Variants in SLC39A11 observed in about 807,000 individuals in gnomAD.
The protein encoded by SLC39A11 is zinc transporter ZIP11.
Under a neutral mutation model 36.1 loss-of-function variants are expected in SLC39A11, and 33 were observed. The observed-to-expected ratio is 0.91, with a 90% CI of 0.69 to 1.22. The LOEUF (loss-of-function observed/expected upper bound fraction) is 1.22. SLC39A11 is among the 50% of genes most tolerant of loss of function. The pLI is 0.00. For missense variants in SLC39A11, 432 were observed against 430.3 expected, an observed-to-expected ratio of 1.00 and a Z score of -0.03; for synonymous variants, 166 against 170.3, an observed-to-expected ratio of 0.97 and a Z score of 0.20.
intron 5 of SLC39A11, among the ~76,000 whole-genome samples, chr17:72,924,410 G>C (rs1273887276): frequency 6.6e-6 from 1 of 152,042 alleles, no homozygotes; most frequent in African/African-American, 2.4e-5. Context: ...CTGGTAAATA[G>C]TTACCTCAAA....
At chr17:73,088,841 C>T (rs2060831107) in intron 1 of SLC39A11, 66 bp from the exon 2 acceptor site, 8 of 1,165,322 alleles carry the variant, frequency 6.9e-6, no homozygotes, top group Non-Finnish European at 1.0e-5. Context: ...CATATTCTGA[C>T]GGGTCCTAAC....
At chr17:73,012,978 T>C (rs2090607437) in intron 4 of SLC39A11, among the ~76,000 whole-genome samples, 2 of 152,078 alleles carry the variant, frequency 1.3e-5, no homozygotes, top group African/African-American at 4.8e-5. Flanking sequence ...TTTATATTTT[T>C]AGTAGAGATG....
chr17:72,708,707 A>G (rs1428381257), intron 7 of SLC39A11, among the ~76,000 whole-genome samples: 1 of 152,210 alleles, frequency 6.6e-6, no homozygotes, highest in Non-Finnish European at 1.5e-5. Flanking sequence ...AGTTCCATTC[A>G]GTCTCCTTGA....
chr17:72,981,425 AC>A (rs1436487281), intron 4 of SLC39A11, among the ~76,000 whole-genome samples: 2 of 152,202 alleles, frequency 1.3e-5, no homozygotes, highest in African/African-American at 4.8e-5. Flanking sequence ...ATTTACATTA[AC>A]GGAGAAAAGA....
At chr17:72,974,660 TGCTTTAGTGTA>T (rs1326941234) in intron 4 of SLC39A11, among the ~76,000 whole-genome samples, 4 of 152,200 alleles carry the variant, frequency 2.6e-5, no homozygotes, top group Non-Finnish European at 5.9e-5. Context: ...ATATTTTGAT[TGCTTTAGTGTA>T]GCTTAAGTAT....
intron 3 of SLC39A11, 46 bp from the exon 4 acceptor site, chr17:73,031,760 G>A: frequency 6.3e-7 from 1 of 1,596,622 alleles, no homozygotes; most frequent in South Asian, 1.1e-5. Flanking sequence ...AACTGCAGAA[G>A]GCTTTCCAGG....
At chr17:72,998,242 C>G (rs917703090) in intron 4 of SLC39A11, among the ~76,000 whole-genome samples, 1 of 152,076 alleles carries the variant, frequency 6.6e-6, no homozygotes, top group African/African-American at 2.4e-5. Context: ...CTCCTTTTAA[C>G]GAGGATAGGA....
rs985783019 is a variant in SLC39A11, at chr17:72,648,698, G to C, written c.929+105C>G. On this transcript the variant is annotated intron_variant, in intron 9 of 9. Transcript: ENST00000255559. ...GATCTTGGGAAGGGGCAGAGAGGGG[G>C]AGGGAATAAGGAAAGGAAAGGCAAA... 4 of 1,358,792 alleles carry C rather than the reference G, an allele frequency of 2.9e-6. No individual in the cohort carries two copies. In the South Asian group the frequency reaches 4.1e-5, roughly 14 times the overall value. 84.2% of individuals were successfully genotyped at this position (1,358,792 alleles called of 1,614,324 possible). A position where few individuals can be genotyped will look rare whatever the true frequency, so the allele number is the denominator to read the frequency against.
At chr17:73,084,079 A>G (rs1459662569) in intron 3 of SLC39A11, among the ~76,000 whole-genome samples, 1 of 152,198 alleles carries the variant, frequency 6.6e-6, no homozygotes, top group African/African-American at 2.4e-5. Flanking sequence ...ATAATGATTG[A>G]AGTTGGGAGA....
chr17:72,717,938 C>T (rs1195455518), intron 7 of SLC39A11, among the ~76,000 whole-genome samples: 2 of 152,194 alleles, frequency 1.3e-5, no homozygotes, highest in African/African-American at 2.4e-5. Flanking sequence ...TCCCTTCTTT[C>T]CCCCTTCCTG....
intron 7 of SLC39A11, among the ~76,000 whole-genome samples, chr17:72,682,105 A>C (rs2071534313): frequency 7.0e-6 from 1 of 143,276 alleles, no homozygotes; most frequent in Non-Finnish European, 1.5e-5. Flanking sequence ...CCGCACATGC[A>C]AGGGACCTAC....
chr17:72,656,808 T>C (rs936735647), intron 7 of SLC39A11, among the ~76,000 whole-genome samples: 45 of 152,302 alleles, frequency 3.0e-4, no homozygotes, highest in African/African-American at 1.1e-3. Context: ...GGTTTATTTT[T>C]AAAGTTCATT....
intron 7 of SLC39A11, among the ~76,000 whole-genome samples, chr17:72,668,302 C>CAAA (rs558245086): frequency 7.8e-6 from 1 of 128,294 alleles, no homozygotes; most frequent in African/African-American, 2.9e-5. Context: ...AACTATAAAG[C>CAAA]AAAAAAAAAA....
chr17:72,915,678 A>G (rs1415329257), intron 5 of SLC39A11, among the ~76,000 whole-genome samples: 1 of 152,210 alleles, frequency 6.6e-6, no homozygotes, highest in Non-Finnish European at 1.5e-5. Context: ...CACCTTGGGA[A>G]TCCTGGCAGT....
chr17:73,065,340 G>A (rs996959225), intron 3 of SLC39A11, among the ~76,000 whole-genome samples: 1 of 152,222 alleles, frequency 6.6e-6, no homozygotes, highest in Non-Finnish European at 1.5e-5. Flanking sequence ...GGGAGGCAGA[G>A]GTTGCAGTGA....
At chr17:72,882,794 C>CTTCTTTTTTTTTTTTTTCTTT (rs1567878676) in intron 5 of SLC39A11, among the ~76,000 whole-genome samples, 1 of 66,500 alleles carries the variant, frequency 1.5e-5, no homozygotes, top group African/African-American at 1.1e-4. Flanking sequence ...AGAGAGAATG[C>CTTCTTTTTTTTTTTTTTCTTT]TTCTTTTTTT....
intron 5 of SLC39A11, among the ~76,000 whole-genome samples, chr17:72,871,056 G>GTT (rs34776144): frequency 1.8e-3 from 218 of 124,300 alleles, no homozygotes; most frequent in Admixed American, 2.9e-3. Flanking sequence ...TTTTGTTTTT[G>GTT]TTTTTTTTTT....
intron 4 of SLC39A11, among the ~76,000 whole-genome samples, chr17:72,963,208 T>A (rs2086739683): frequency 7.0e-6 from 1 of 143,828 alleles, no homozygotes; most frequent in African/African-American, 2.6e-5. Flanking sequence ...TCTCACTCTG[T>A]CCCCCAGGCT....
At chr17:72,791,882 C>T (rs1383817189) in intron 6 of SLC39A11, among the ~76,000 whole-genome samples, 1 of 152,188 alleles carries the variant, frequency 6.6e-6, no homozygotes, top group Non-Finnish European at 1.5e-5. Context: ...TTTCCTGAGG[C>T]CTCCCCAACC....
Sources: gnomAD v4.1 joint callset for allele counts (sites outside exome capture counted in the v4.1 genomes callset) on GRCh38, gnomAD v4.1.1 for gene constraint, MANE v1.5 for transcripts, NCBI Gene and HGNC (gene_info 2026-07-23, HGNC 2026-07-21) for gene names.